The following TIAM2 variants were observed in gnomAD, a reference collection of about 807,000 sequenced individuals.
TIAM2 encodes the protein rho guanine nucleotide exchange factor TIAM2.
In TIAM2, 80 loss-of-function variants were observed where a neutral mutation model predicts 152.9. That is an observed-to-expected ratio of 0.52 (90% CI 0.44 to 0.63). TIAM2 has a LOEUF of 0.63. Ranked by LOEUF, TIAM2 falls within the 30% of genes least tolerant of loss-of-function variation. The pLI is 0.00. For missense variants in TIAM2, 1,965 were observed against 2,120.1 expected, an observed-to-expected ratio of 0.93 and a Z score of 1.44; for synonymous variants, 804 against 838.0, an observed-to-expected ratio of 0.96 and a Z score of 0.70.
At chr6:155,087,845 A>G (rs1054366321) in intron 1 of TIAM2, among the ~76,000 whole-genome samples, 4 of 152,090 alleles carry the variant, frequency 2.6e-5, no homozygotes, top group African/African-American at 4.8e-5. Flanking sequence ...TATGGAATGT[A>G]TTCTATAAGG....
chr6:155,126,731 C>CAAATAAAT (rs59895840), intron 2 of TIAM2, among the ~76,000 whole-genome samples: 6,070 of 150,546 alleles, frequency 0.04, 180 homozygotes, highest in Non-Finnish European at 0.063. Flanking sequence ...AACTCTGTCT[C>CAAATAAAT]AAATAAATAA....
At chr6:155,054,566 A>AGTT (rs1554227176) in intron 1 of TIAM2, among the ~76,000 whole-genome samples, 6 of 123,374 alleles carry the variant, frequency 4.9e-5, no homozygotes, top group African/African-American at 1.6e-4. Flanking sequence ...AGAAGTACAG[A>AGTT]GTTTTGTTTT....
chr6:155,143,689 G>A (rs1779761695), intron 5 of TIAM2, among the ~76,000 whole-genome samples: 1 of 152,180 alleles, frequency 6.6e-6, no homozygotes, highest in Admixed American at 6.5e-5. Context: ...CTTACATTGA[G>A]ATTCCCTAAA....
chr6:155,253,469 T>C lies in TIAM2; in HGVS notation c.4225+416T>C, dbSNP rs150198429. The C allele has an allele frequency of 1.5e-3, 273 of 181,912 alleles. 1 individual carries two copies. The highest frequency in any genetic ancestry group is 6.3e-3 in the African/African-American group (265 of 42,230). 11.3% of individuals were successfully genotyped at this position (181,912 alleles called of 1,614,324 possible). A position where few individuals can be genotyped will look rare whatever the true frequency, so the allele number is the denominator to read the frequency against. On this transcript the variant is annotated intron_variant, in intron 24 of 26. Coordinates refer to ENST00000682666, the MANE Select transcript of TIAM2 (RefSeq NM_012454.4). ...TTTGACTCTGGAAAATGTTCAGAGA[T>C]CCTTCCAGAGTAACCTTGTTTTGGT...
chr6:155,180,118 A>G (rs1229608272), intron 12 of TIAM2, among the ~76,000 whole-genome samples: 1 of 152,116 alleles, frequency 6.6e-6, no homozygotes, highest in African/African-American at 2.4e-5. Context: ...CCTCTCTACT[A>G]AAAATACAAA....
chr6:155,179,078 C>G lies in TIAM2; in HGVS notation c.2563C>G (p.Arg855Gly), dbSNP rs370100446. The G allele has an allele frequency of 6.2e-7, 1 of 1,613,910 alleles. No homozygotes were observed. The highest frequency in any genetic ancestry group is 1.3e-5 in the African/African-American group (1 of 74,890). Reference protein sequence around the residue: ...LEPSHYGLQLRKLVDDNVEYC... With the variant: ...LEPSHYGLQLGKLVDDNVEYC... ...ACCCAGCCATTATGGCCTACAGCTT[C>G]GAAAATTAGTAGATGACAATGTTGA... is the stretch of plus-strand genomic sequence containing the variant. Residue 855 changes from arginine (R) to glycine (G), a missense_variant, in exon 11 of 27, where the codon CGA becomes GGA. Arg to Gly is a moderately radical substitution (Grantham distance 125). This residue lies in a region of TIAM2 where 1,025 missense variants were observed against 1,119.4 expected (regional missense o/e 0.92). Transcript: ENST00000682666.
intron 7 of TIAM2, among the ~76,000 whole-genome samples, chr6:155,160,933 T>C (rs1780252847): frequency 6.6e-6 from 1 of 152,238 alleles, no homozygotes; most frequent in Admixed American, 6.5e-5. Flanking sequence ...ATTGAGATAC[T>C]GGTTGTCTTG....
chr6:155,144,200 C>T (rs935404661), intron 5 of TIAM2, among the ~76,000 whole-genome samples: 4 of 152,274 alleles, frequency 2.6e-5, no homozygotes, highest in East Asian at 1.9e-4. Flanking sequence ...TCTCTTCCTC[C>T]GGGCATGTCC....
Position 155,244,756 on chromosome 6 carries a change from C to A in TIAM2, c.3516C>A (p.Asn1172Lys). 1.2e-6 allele frequency: 2 copies of A among 1,613,778 alleles called. No individual in the cohort carries two copies. The highest frequency in any genetic ancestry group is 1.7e-6 in the Non-Finnish European group (2 of 1,179,846). The change falls in exon 18 of 27, where the codon AAC (asparagine) becomes AAA (lysine). Residue 1172 changes from asparagine to lysine, a missense_variant. Asn to Lys is a moderately conservative substitution (Grantham distance 94). Coordinates refer to ENST00000682666, the MANE Select transcript of TIAM2 (RefSeq NM_012454.4). ...GGATTTCAGCATCATCTGACTTTAACACCCTAGAAACCCCCTCACAGTTTA... is the reference window on the plus strand; with the variant it reads ...GGATTTCAGCATCATCTGACTTTAAAACCCTAGAAACCCCCTCACAGTTTA... ...EDGISASSDF[N>K]TLETPSQFRK...
At chr6:155,116,124 G>C (rs911832665) in intron 2 of TIAM2, among the ~76,000 whole-genome samples, 2 of 152,048 alleles carry the variant, frequency 1.3e-5, no homozygotes, top group Non-Finnish European at 2.9e-5. Flanking sequence ...AATGGATTAG[G>C]CCCTTCCCCC....
intron 14 of TIAM2, among the ~76,000 whole-genome samples, chr6:155,189,088 C>G (rs983995096): frequency 6.6e-6 from 1 of 152,168 alleles, no homozygotes; most frequent in Non-Finnish European, 1.5e-5. Flanking sequence ...ATGAATTGCT[C>G]TTGGGAATGT....
chr6:155,134,645 ATAATGT>A (rs1779518135), intron 4 of TIAM2, among the ~76,000 whole-genome samples: 1 of 152,066 alleles, frequency 6.6e-6, no homozygotes. Context: ...TATAACTGAG[ATAATGT>A]TAATACTAGC....
At chr6:155,158,559 A>C (rs1484944447) in intron 7 of TIAM2, among the ~76,000 whole-genome samples, 1 of 150,926 alleles carries the variant, frequency 6.6e-6, no homozygotes, top group African/African-American at 2.4e-5. Context: ...TATGTTTTTT[A>C]CTTTTTTTTT....
At chr6:155,203,513 T>A (rs1366769155) in intron 14 of TIAM2, among the ~76,000 whole-genome samples, 1 of 152,096 alleles carries the variant, frequency 6.6e-6, no homozygotes, top group East Asian at 1.9e-4. Context: ...GATAGTAGAA[T>A]GTAAGTATTA....
rs535499060 is a variant in TIAM2, at chr6:155,156,015, C to T, written c.2028+7681C>T. 1.4e-4 allele frequency among the ~76,000 whole-genome samples: 21 copies of T among 152,286 alleles called. No homozygotes were observed. Among genetic ancestry groups the T allele is most frequent in the African/African-American group, 4.6e-4 (19 of 41,554 alleles). ...GTCTAGCAGGTGACAGACAGTTGAG[C>T]ATACAATTTCAACATAACACAGTGA... On this transcript the variant is annotated intron_variant, in intron 7 of 26. Transcript: ENST00000682666. This position sits in a 1 kb window ranked among gnomAD's most constrained non-coding sequence, Gnocchi z 4.4.
chr6:155,160,349 T>C (rs910949564), intron 7 of TIAM2, among the ~76,000 whole-genome samples: 2 of 152,176 alleles, frequency 1.3e-5, no homozygotes, highest in Non-Finnish European at 2.9e-5. Flanking sequence ...TTTTGTCCTC[T>C]TCAGGTGGTC....
At position 155,055,028 on chromosome 6, in the gene TIAM2, C is replaced by A. The variant is rs573096277; in HGVS notation, c.-208-35261C>A. Among the ~76,000 whole-genome samples the A allele has an allele frequency of 1.2e-3, 183 of 152,214 alleles. 3 individuals are homozygous for A. The South Asian group carries it at 0.017, about 14-fold the overall frequency. On this transcript the variant is annotated intron_variant, in intron 1 of 26. Transcript: ENST00000682666. ...GGGAACGTGCTGTGGCTGCAGGAAG[C>A]CCTGGGACATGATTTTTGGCTGTGG...
intron 9 of TIAM2, among the ~76,000 whole-genome samples, chr6:155,171,697 C>A (rs144889086): frequency 4.9e-4 from 74 of 152,308 alleles, no homozygotes; most frequent in African/African-American, 1.8e-3. Context: ...TAATACACAA[C>A]CCTACATAGC....
intron 1 of TIAM2, among the ~76,000 whole-genome samples, chr6:155,051,400 A>G (rs1444033879): frequency 6.6e-6 from 1 of 152,184 alleles, no homozygotes; most frequent in Admixed American, 6.5e-5. Context: ...TACATTTGTT[A>G]CTTTGAATCT....
Sources: gnomAD v4.1 joint callset for allele counts (sites outside exome capture counted in the v4.1 genomes callset) on GRCh38, gnomAD v4.1.1 for gene constraint, gnomAD v4.1.1 regional missense constraint, Gnocchi (gnomAD v3.1) non-coding constraint, MANE v1.5 for transcripts, NCBI Gene and HGNC (gene_info 2026-07-23, HGNC 2026-07-21) for gene names.